The following ABHD2 variants were observed in gnomAD, a reference collection of about 807,000 sequenced individuals.
The protein encoded by ABHD2 is abhydrolase domain containing 2, acylglycerol lipase.
In ABHD2, 20 loss-of-function variants were observed where a neutral mutation model predicts 48.1. The observed-to-expected ratio is 0.42, with a 90% CI of 0.29 to 0.60. The LOEUF (loss-of-function observed/expected upper bound fraction) is 0.60. Ranked by LOEUF, ABHD2 falls within the 20% of genes least tolerant of loss-of-function variation. The pLI, the probability that ABHD2 is intolerant of heterozygous loss-of-function variation, is 0.24. For missense variants in ABHD2, 405 were observed against 550.9 expected, an observed-to-expected ratio of 0.74 and a Z score of 2.65; for synonymous variants, 209 against 214.2, an observed-to-expected ratio of 0.98 and a Z score of 0.21.
intron 3 of ABHD2, chr15:89,135,965 T>C: frequency 2.6e-6 from 1 of 384,076 alleles, no homozygotes; most frequent in Non-Finnish European, 4.8e-6. Context: ...TCCCTTTTGT[T>C]GCCCAGGCTG....
chr15:89,150,596 C>G (rs1398292212), intron 3 of ABHD2, among the ~76,000 whole-genome samples: 1 of 152,190 alleles, frequency 6.6e-6, no homozygotes, highest in Non-Finnish European at 1.5e-5. Flanking sequence ...CTTCACTTCT[C>G]TTAACTTTGT....
In ABHD2 at chr15:89,185,715, C is replaced by T. The variant is rs1374262454; in HGVS notation, c.815+199C>T. On this transcript the variant is annotated intron_variant, in intron 7 of 10. Transcript: ENST00000352732. This position sits in a 1 kb window ranked among gnomAD's most constrained non-coding sequence, Gnocchi z 5.9. ...CAGGCGCGGTGGCTCACGCCTGTAA[C>T]CCCAGCACTTTGGGAAGCTGAGGCG... 1.3e-5 allele frequency among the ~76,000 whole-genome samples: 2 copies of T among 152,130 alleles called. No homozygotes were observed. Among genetic ancestry groups the T allele is most frequent in the Non-Finnish European group, 2.9e-5 (2 of 68,024 alleles).
chr15:89,065,291 A>T, the ABHD2 span, among the ~76,000 whole-genome samples: 2 of 152,190 alleles, frequency 1.3e-5, no homozygotes. Context: ...CGTTATGGCA[A>T]ACTCATTTAG....
the ABHD2 span, among the ~76,000 whole-genome samples, chr15:89,060,915 A>T: frequency 1.3e-5 from 2 of 152,166 alleles, no homozygotes; most frequent in African/African-American, 4.8e-5. Context: ...AAAAAAAAAT[A>T]ATGAAATCAT....
intron 3 of ABHD2, among the ~76,000 whole-genome samples, chr15:89,149,538 C>T (rs1342261312): frequency 6.6e-6 from 1 of 152,112 alleles, no homozygotes; most frequent in African/African-American, 2.4e-5. Context: ...TTGAAAACAG[C>T]ATCTAAAGTA....
At chr15:89,127,273 C>T (rs4932474) in intron 3 of ABHD2, among the ~76,000 whole-genome samples, 46,896 of 151,962 alleles carry the variant, frequency 0.31, 8,075 homozygotes, top group Non-Finnish European at 0.4. Flanking sequence ...AGCGTGGGTG[C>T]ATGGCATCAA....
rs1191262073 is a variant in ABHD2, at chr15:89,146,483, G to A, written c.195-5194G>A. 1.3e-5 allele frequency among the ~76,000 whole-genome samples: 2 copies of A among 151,196 alleles called. No individual in the cohort carries two copies. Among genetic ancestry groups the A allele is most frequent in the African/African-American group, 2.4e-5 (1 of 41,148 alleles). ...CAATTCTCTTAGTAAGCCAGATGTC[G>A]ATTATAAATAGGCTCAGAAGATAAG... On this transcript the variant is annotated intron_variant, in intron 3 of 10. Coordinates refer to ENST00000352732, the MANE Select transcript of ABHD2 (RefSeq NM_152924.5). The surrounding 1 kb of genome is among the most constrained non-coding windows in gnomAD (Gnocchi z 4.2).
At chr15:89,150,095 C>G (rs2050566821) in intron 3 of ABHD2, among the ~76,000 whole-genome samples, 1 of 152,132 alleles carries the variant, frequency 6.6e-6, no homozygotes, top group Non-Finnish European at 1.5e-5. Context: ...TTCTTTTGTT[C>G]TATTTTCTGA....
chr15:89,122,500 A>G (rs558762141), intron 3 of ABHD2, among the ~76,000 whole-genome samples: 89 of 152,328 alleles, frequency 5.8e-4, no homozygotes, highest in African/African-American at 2.1e-3. Context: ...GGCTTGTTCA[A>G]TGGTGCTCTA....
chr15:89,056,472 C>T, the ABHD2 span, among the ~76,000 whole-genome samples: 3 of 151,954 alleles, frequency 2.0e-5, no homozygotes, highest in Admixed American at 6.6e-5. Context: ...GAAACCCCGT[C>T]TCTACTAAAA....
the ABHD2 span, among the ~76,000 whole-genome samples, chr15:89,059,586 T>G: frequency 3.9e-5 from 6 of 152,128 alleles, no homozygotes; most frequent in Non-Finnish European, 7.4e-5. Context: ...ATTGGAGAAT[T>G]TAACTCTCTC....
the ABHD2 span, among the ~76,000 whole-genome samples, chr15:89,079,480 TGGC>T: frequency 7.0e-6 from 1 of 142,598 alleles, no homozygotes; most frequent in South Asian, 2.1e-4. The surrounding 1 kb of genome is among the most constrained non-coding windows in gnomAD (Gnocchi z 4.3). Flanking sequence ...AACCTCTACA[TGGC>T]AAAATAAACC....
the ABHD2 span, among the ~76,000 whole-genome samples, chr15:89,078,447 C>T: frequency 5.3e-5 from 8 of 152,178 alleles, no homozygotes; most frequent in Non-Finnish European, 1.0e-4. Context: ...CTTCCTTTTG[C>T]TCCTAAACAG....
chr15:89,119,465 G>T (rs140169297), intron 3 of ABHD2, among the ~76,000 whole-genome samples: 1 of 152,096 alleles, frequency 6.6e-6, no homozygotes, highest in Non-Finnish European at 1.5e-5. Flanking sequence ...TTTTGTCCGC[G>T]TTACTACTGC....
At position 89,196,753 on chromosome 15, in the gene ABHD2, C is replaced by A. The variant is rs899789990; in HGVS notation, c.*1330C>A. The A allele has an allele frequency of 6.6e-6, 1 of 152,412 alleles. No individual in the cohort carries two copies. The highest frequency in any genetic ancestry group is 2.4e-5 in the African/African-American group (1 of 41,402). The allele number at this position is 152,412 out of a possible 1,614,324, so 9.4% of individuals were successfully genotyped here. A position where few individuals can be genotyped will look rare whatever the true frequency, so the allele number is the denominator to read the frequency against. The stretch of plus-strand genomic sequence containing the variant: ...AACCTAAGTGGGTATTATTTTGAAA[C>A]CAGATTTTTAATTTAATAGCCTATA... On this transcript the variant is annotated 3_prime_UTR_variant, in exon 11 of 11. Coordinates refer to ENST00000352732, the MANE Select transcript of ABHD2 (RefSeq NM_152924.5).
At chr15:89,060,172 C>T in the ABHD2 span, among the ~76,000 whole-genome samples, 2,904 of 145,808 alleles carry the variant, frequency 0.02, 128 homozygotes, top group East Asian at 0.13. Flanking sequence ...CTCACTGCAA[C>T]GTCCATCTCC....
At chr15:89,187,353 A>T (rs2051227659) in intron 7 of ABHD2, among the ~76,000 whole-genome samples, 1 of 152,266 alleles carries the variant, frequency 6.6e-6, no homozygotes. Context: ...TGTACATTCT[A>T]TCCAGTAGGT....
In ABHD2 at chr15:89,174,377, C is replaced by G. The variant is rs146022201; in HGVS notation, c.539-1435C>G. Among the ~76,000 whole-genome samples, 44 of 152,282 alleles carry G rather than the reference C, an allele frequency of 2.9e-4. No homozygotes were observed. The East Asian group carries it at 6.4e-3, about 22-fold the overall frequency. On this transcript the variant is annotated intron_variant, in intron 5 of 10. Transcript: ENST00000352732. The surrounding 1 kb of genome is among the most constrained non-coding windows in gnomAD (Gnocchi z 4.1). ...TCACTATAGATTCCTGGGCTTGGTC[C>G]CCATCTTACAGAATCAGCTTCTCTG...
At position 89,201,798 on chromosome 15, in the gene ABHD2, G is replaced by A. The variant is rs1329391126; in HGVS notation, c.*6375G>A. The stretch of plus-strand genomic sequence containing the variant: ...CTTCGCCGTGGCCCCGGAGGCAGAC[G>A]CCATTGGAGAGACAGCGCAGAGCAG... On this transcript the variant is annotated 3_prime_UTR_variant, in exon 11 of 11. Coordinates refer to ENST00000352732, the MANE Select transcript of ABHD2 (RefSeq NM_152924.5). 19 of 1,389,968 alleles carry A rather than the reference G, an allele frequency of 1.4e-5. No homozygotes were observed. Among genetic ancestry groups the A allele is most frequent in the Admixed American group, 5.0e-5 (3 of 59,652 alleles). The allele number at this position is 1,389,968 out of a possible 1,614,324, so 86.1% of individuals were successfully genotyped here.
Sources: gnomAD v4.1 joint callset for allele counts (sites outside exome capture counted in the v4.1 genomes callset) on GRCh38, gnomAD v4.1.1 for gene constraint, Gnocchi (gnomAD v3.1) non-coding constraint, MANE v1.5 for transcripts, NCBI Gene and HGNC (gene_info 2026-07-23, HGNC 2026-07-21) for gene names.